CDC42BPA: variants seen among roughly 807,000 people sequenced by gnomAD.
CDC42BPA encodes the protein CDC42 binding protein kinase alpha, also known as serine/threonine-protein kinase MRCK alpha.
A neutral mutation model predicts 223.5 loss-of-function variants in CDC42BPA; 80 were observed. The observed-to-expected ratio is 0.36, with a 90% CI of 0.30 to 0.43. The LOEUF (loss-of-function observed/expected upper bound fraction) is 0.43. CDC42BPA is among the 20% of genes least tolerant of loss of function. The pLI, the probability that CDC42BPA is intolerant of heterozygous loss-of-function variation, is 1.00. For synonymous variants in CDC42BPA, 694 were observed against 718.6 expected (o/e 0.97, Z 0.55); for missense variants, 1,743 against 2,099.9 (o/e 0.83, Z 3.32).
chr1:227,079,718 T>A (rs1680232087), intron 17 of CDC42BPA, among the ~76,000 whole-genome samples: 1 of 152,066 alleles, frequency 6.6e-6, no homozygotes, highest in Non-Finnish European at 1.5e-5. Flanking sequence ...TAAGAGCTCT[T>A]AATGGAAAAA....
intron 31 of CDC42BPA, among the ~76,000 whole-genome samples, chr1:227,025,050 C>T (rs992525008): frequency 7.9e-5 from 12 of 152,184 alleles, no homozygotes; most frequent in Middle Eastern, 3.2e-3. Context: ...CGAGGCCAGC[C>T]TGGCCAACAT....
chr1:227,214,444 G>A (rs1170709918), intron 2 of CDC42BPA, among the ~76,000 whole-genome samples: 1 of 152,224 alleles, frequency 6.6e-6, no homozygotes, highest in East Asian at 1.9e-4. Context: ...CAATTAAATT[G>A]TTCTCCCAAT....
At chr1:227,253,488 C>G (rs919368704) in intron 2 of CDC42BPA, among the ~76,000 whole-genome samples, 1 of 151,962 alleles carries the variant, frequency 6.6e-6, no homozygotes, top group African/African-American at 2.4e-5. Flanking sequence ...CCCAGCTACT[C>G]GGGAGGCTGA....
intron 11 of CDC42BPA, among the ~76,000 whole-genome samples, chr1:227,126,347 C>A (rs1210785522): frequency 6.6e-6 from 1 of 152,040 alleles, no homozygotes; most frequent in Non-Finnish European, 1.5e-5. Context: ...TGCAAGGTTG[C>A]TTCAGAAAGG....
chr1:227,291,480 C>T (rs113592938), intron 1 of CDC42BPA, among the ~76,000 whole-genome samples: 2,743 of 152,100 alleles, frequency 0.018, 40 homozygotes, highest in Non-Finnish European at 0.026. Flanking sequence ...ATCCAGGAGG[C>T]GGAGGTTGTA....
At chr1:227,228,409 T>C (rs565065119) in intron 2 of CDC42BPA, among the ~76,000 whole-genome samples, 8 of 152,340 alleles carry the variant, frequency 5.3e-5, no homozygotes, top group Non-Finnish European at 1.0e-4. Context: ...ATACCACATT[T>C]TGTTTATGCA....
At position 227,112,679 on chromosome 1, in the gene CDC42BPA, T is replaced by C. The variant is rs567456933; in HGVS notation, c.1882A>G (p.Lys628Glu). 5 of 1,613,466 alleles carry C rather than the reference T, an allele frequency of 3.1e-6. No homozygotes were observed. Among genetic ancestry groups the C allele is most frequent in the Admixed American group, 3.3e-5 (2 of 59,862 alleles). The change falls in exon 13 of 37, where the codon AAA (lysine) becomes GAA (glutamate). Residue 628 changes from lysine to glutamate, a missense_variant. Coordinates refer to ENST00000366766, the MANE Select transcript of CDC42BPA (RefSeq NM_001394014.1). ...TTTGCCTGACTACTAACCTCTTTTT[T>C]GGCTCTTTCTGTTCTGCGCAGTTCT... is the stretch of plus-strand genomic sequence containing the variant. ...RQELRRTERAKKELEVHTEAL... is the reference protein window; with the variant it reads ...RQELRRTERAEKELEVHTEAL...
chr1:227,274,215 C>T (rs1031552221), intron 1 of CDC42BPA, among the ~76,000 whole-genome samples: 23 of 152,050 alleles, frequency 1.5e-4, no homozygotes, highest in Non-Finnish European at 2.2e-4. Context: ...CCCCCAGTGG[C>T]CACATCTCCA....
At chr1:227,222,510 C>A (rs1006202804) in intron 2 of CDC42BPA, among the ~76,000 whole-genome samples, 1 of 141,056 alleles carries the variant, frequency 7.1e-6, no homozygotes, top group African/African-American at 3.0e-5. Flanking sequence ...AACAAAGAAA[C>A]AACAACAACA....
chr1:227,312,759 G>A (rs1432912297), intron 1 of CDC42BPA, among the ~76,000 whole-genome samples: 1 of 151,628 alleles, frequency 6.6e-6, no homozygotes, highest in East Asian at 1.9e-4. Context: ...GGACCTGGCG[G>A]GAGGTGACTG....
At chr1:227,059,280 A>G in intron 21 of CDC42BPA, 1 of 1,038,510 alleles carries the variant, frequency 9.6e-7, no homozygotes, top group East Asian at 2.6e-5. Flanking sequence ...AATATACCAC[A>G]AAAACATTAA....
intron 1 of CDC42BPA, among the ~76,000 whole-genome samples, chr1:227,255,554 T>C (rs2148300976): frequency 6.6e-6 from 1 of 152,290 alleles, no homozygotes; most frequent in Admixed American, 6.5e-5. Flanking sequence ...CACAGGAGGC[T>C]AAGGCAGGAG....
At chr1:227,162,580 G>C (rs1664115109) in intron 5 of CDC42BPA, among the ~76,000 whole-genome samples, 1 of 152,084 alleles carries the variant, frequency 6.6e-6, no homozygotes, top group Non-Finnish European at 1.5e-5. Context: ...CAGCACTTTG[G>C]GAGGCCAAAG....
intron 2 of CDC42BPA, among the ~76,000 whole-genome samples, chr1:227,251,874 C>T (rs150534433): frequency 1.3e-5 from 2 of 152,100 alleles, no homozygotes; most frequent in African/African-American, 4.8e-5. Flanking sequence ...TTTTAAATTA[C>T]ATTATAACTC....
Position 227,016,912 on chromosome 1 carries a change from AG to A in CDC42BPA, c.4739+14del. 2.5e-6 allele frequency: 4 copies of A among 1,606,256 alleles called. No individual in the cohort carries two copies. Among genetic ancestry groups the A allele is most frequent in the Non-Finnish European group, 3.4e-6 (4 of 1,176,618 alleles). ...TACAAGCAAGCATGGATGATACTAC[AG>A]GTTAAGTATCTACCTCCTCTGCTGC... On this transcript the variant is annotated intron_variant, in intron 33 of 36. Coordinates refer to ENST00000366766, the MANE Select transcript of CDC42BPA (RefSeq NM_001394014.1).
At chr1:227,135,725 G>A (rs892000923) in intron 10 of CDC42BPA, among the ~76,000 whole-genome samples, 1 of 151,692 alleles carries the variant, frequency 6.6e-6, no homozygotes, top group South Asian at 2.1e-4. Flanking sequence ...ATGGTGGCAC[G>A]TGCCTGTAGT....
intron 35 of CDC42BPA, among the ~76,000 whole-genome samples, chr1:226,995,937 T>C (rs569313435): frequency 3.3e-5 from 5 of 152,360 alleles, no homozygotes; most frequent in South Asian, 2.1e-4. Context: ...CATGTCTCAA[T>C]TGTTTTTCAC....
At chr1:227,098,114 C>T (rs9426540) in intron 15 of CDC42BPA, among the ~76,000 whole-genome samples, 19,646 of 151,958 alleles carry the variant, frequency 0.13, 1,352 homozygotes, top group East Asian at 0.26. Flanking sequence ...GAGGCTGCTG[C>T]AAACACATAT....
chr1:227,243,280 T>A (rs893432186), intron 2 of CDC42BPA, among the ~76,000 whole-genome samples: 11 of 152,188 alleles, frequency 7.2e-5, no homozygotes, highest in Non-Finnish European at 1.2e-4. Context: ...TGACACAAGT[T>A]TACTTATTTA....
Sources: gnomAD v4.1 joint callset for allele counts (sites outside exome capture counted in the v4.1 genomes callset) on GRCh38, gnomAD v4.1.1 for gene constraint, MANE v1.5 for transcripts, NCBI Gene and HGNC (gene_info 2026-07-23, HGNC 2026-07-21) for gene names.